GPC6: variants seen among roughly 807,000 people sequenced by gnomAD.
GPC6 encodes glypican-6.
In GPC6, 14 loss-of-function variants were observed where a neutral mutation model predicts 55.2. That is an observed-to-expected ratio of 0.25 (90% CI 0.17 to 0.40). The LOEUF (loss-of-function observed/expected upper bound fraction) is 0.40. Ranked by LOEUF, GPC6 falls within the 10% of genes least tolerant of loss-of-function variation. The probability of loss-of-function intolerance (pLI) is 1.00; values close to 1 mark genes in which losing one functional copy is unlikely to be tolerated. For missense variants in GPC6, 641 were observed against 708.5 expected (o/e 0.90, Z 1.08); for synonymous variants, 278 against 259.6 (o/e 1.07, Z -0.68).
At chr13:93,252,484 C>T (rs1295359493) in intron 1 of GPC6, among the ~76,000 whole-genome samples, 1 of 152,226 alleles carries the variant, frequency 6.6e-6, no homozygotes, top group East Asian at 1.9e-4. Flanking sequence ...CAAGTAAAAT[C>T]CAACCCTGTT....
At chr13:94,063,993 C>T (rs1311459183) in intron 4 of GPC6, among the ~76,000 whole-genome samples, 2 of 152,106 alleles carry the variant, frequency 1.3e-5, no homozygotes, top group Non-Finnish European at 2.9e-5. Flanking sequence ...TAATGTGCAT[C>T]ATAAAGCATA....
chr13:93,480,041 C>G (rs1176734020), intron 1 of GPC6, among the ~76,000 whole-genome samples: 2 of 152,144 alleles, frequency 1.3e-5, no homozygotes, highest in African/African-American at 4.8e-5. Flanking sequence ...AAGTGAATGT[C>G]AAATCATACA....
At chr13:93,625,680 C>T (rs1476102757) in intron 2 of GPC6, among the ~76,000 whole-genome samples, 1 of 152,192 alleles carries the variant, frequency 6.6e-6, no homozygotes, top group African/African-American at 2.4e-5. Flanking sequence ...ACCTCTTTTC[C>T]CAAGGCCCCA....
intron 7 of GPC6, 71 bp downstream of exon 7, chr13:94,382,621 A>G (rs1055249727): frequency 1.9e-6 from 3 of 1,590,012 alleles, no homozygotes; most frequent in Admixed American, 3.3e-5. Flanking sequence ...TCCTGGCACA[A>G]CTCTACAAAC....
intron 4 of GPC6, among the ~76,000 whole-genome samples, chr13:94,091,260 C>T (rs770412526): frequency 6.6e-6 from 1 of 152,186 alleles, no homozygotes; most frequent in South Asian, 2.1e-4. Flanking sequence ...ACTAGAAAAG[C>T]CACTCCAGGG....
intron 5 of GPC6, among the ~76,000 whole-genome samples, chr13:94,290,442 A>G (rs1257081091): frequency 6.6e-6 from 1 of 150,480 alleles, no homozygotes; most frequent in African/African-American, 2.5e-5. Context: ...AAAAAAAAAA[A>G]AAAAAAAGAA....
intron 3 of GPC6, among the ~76,000 whole-genome samples, chr13:93,928,882 C>T (rs975590014): frequency 1.3e-5 from 2 of 150,972 alleles, no homozygotes; most frequent in African/African-American, 4.9e-5. Flanking sequence ...CACACACACA[C>T]ACACACACAC....
chr13:94,272,617 C>G (rs930018026), intron 4 of GPC6, among the ~76,000 whole-genome samples: 4 of 151,538 alleles, frequency 2.6e-5, no homozygotes, highest in Admixed American at 2.6e-4. Context: ...CACAGGCGCC[C>G]GCCACCACGC....
chr13:93,322,734 C>A (rs1879501140), intron 1 of GPC6, among the ~76,000 whole-genome samples: 1 of 152,110 alleles, frequency 6.6e-6, no homozygotes, highest in Non-Finnish European at 1.5e-5. Flanking sequence ...GCCACCACAC[C>A]TGGCCTAAGT....
At chr13:93,903,246 G>A (rs1400802178) in intron 3 of GPC6, among the ~76,000 whole-genome samples, 3 of 152,098 alleles carry the variant, frequency 2.0e-5, no homozygotes, top group African/African-American at 7.2e-5. Context: ...GTAAGATGTA[G>A]CCCTTTGACT....
chr13:94,000,715 G>C (rs6492685), intron 3 of GPC6, among the ~76,000 whole-genome samples: 1 of 152,016 alleles, frequency 6.6e-6, no homozygotes, highest in African/African-American at 2.4e-5. Context: ...AAAAAAGATA[G>C]TCACCTTGCA....
chr13:93,437,470 A>G (rs1276908591), intron 1 of GPC6, among the ~76,000 whole-genome samples: 2 of 152,232 alleles, frequency 1.3e-5, no homozygotes, highest in African/African-American at 4.8e-5. Context: ...GAACACACAC[A>G]TGATAAGAAA....
At chr13:93,570,256 T>A (rs1594276327) in intron 2 of GPC6, among the ~76,000 whole-genome samples, 1 of 152,310 alleles carries the variant, frequency 6.6e-6, no homozygotes, top group Non-Finnish European at 1.5e-5. Flanking sequence ...TATTAATTAT[T>A]GACCCAAGGT....
intron 5 of GPC6, among the ~76,000 whole-genome samples, chr13:94,298,342 T>A (rs2139101658): frequency 6.6e-6 from 1 of 152,358 alleles, no homozygotes; most frequent in Non-Finnish European, 1.5e-5. Context: ...CACACACATT[T>A]CAGTCACCAC....
chr13:93,370,872 T>C (rs529218397), intron 1 of GPC6, among the ~76,000 whole-genome samples: 1 of 152,284 alleles, frequency 6.6e-6, no homozygotes, highest in East Asian at 1.9e-4. Context: ...TGAGAATGGC[T>C]CAATACTTTC....
intron 3 of GPC6, among the ~76,000 whole-genome samples, chr13:93,928,587 G>A (rs1028697292): frequency 6.6e-6 from 1 of 152,052 alleles, no homozygotes; most frequent in Non-Finnish European, 1.5e-5. Context: ...AAACCTTCAT[G>A]TGCTTCAGAC....
At chr13:93,659,995 A>G (rs1880855342) in intron 2 of GPC6, among the ~76,000 whole-genome samples, 1 of 152,074 alleles carries the variant, frequency 6.6e-6, no homozygotes, top group Admixed American at 6.6e-5. Context: ...TTATCCTTTC[A>G]TTGTATGTTA....
chr13:93,539,399 T>C lies in GPC6; in HGVS notation c.161-5864T>C, dbSNP rs140142927. Reference sequence around the variant, plus strand: ...CCTTGTAGTTGAACAGGTTTAGTTATAATTTATTGCAAGACCAAGCATATA... The same window carrying C: ...CCTTGTAGTTGAACAGGTTTAGTTACAATTTATTGCAAGACCAAGCATATA... On this transcript the variant is annotated intron_variant, in intron 1 of 8. Coordinates refer to ENST00000377047, the MANE Select transcript of GPC6 (RefSeq NM_005708.5). 3.6e-4 allele frequency among the ~76,000 whole-genome samples: 55 copies of C among 152,262 alleles called. 2 individuals carry two copies. The East Asian group carries it at 8.9e-3, about 25-fold the overall frequency.
intron 1 of GPC6, among the ~76,000 whole-genome samples, chr13:93,333,414 C>T (rs946577461): frequency 1.1e-4 from 17 of 151,292 alleles, no homozygotes; most frequent in Non-Finnish European, 2.9e-5. Flanking sequence ...GATGTTTCAT[C>T]TCTTTGGTTG....
Sources: gnomAD v4.1 joint callset for allele counts (sites outside exome capture counted in the v4.1 genomes callset) on GRCh38, gnomAD v4.1.1 for gene constraint, MANE v1.5 for transcripts, NCBI Gene and HGNC (gene_info 2026-07-23, HGNC 2026-07-21) for gene names.